The following L3MBTL4 variants were observed in gnomAD, a reference collection of about 807,000 sequenced individuals.
L3MBTL4 encodes the protein lethal(3)malignant brain tumor-like protein 4.
In L3MBTL4, 70 loss-of-function variants were observed where a neutral mutation model predicts 84.5. The ratio of observed to expected loss-of-function variants is 0.83; its 90% confidence interval spans 0.68 to 1.01. The LOEUF (loss-of-function observed/expected upper bound fraction) is 1.01. Among genes scored for constraint, L3MBTL4 ranks in the 50% least tolerant of loss-of-function variants. The pLI is 0.00. For synonymous variants in L3MBTL4, 274 were observed against 259.8 expected, an observed-to-expected ratio of 1.05 and a Z score of -0.52; for missense variants, 715 against 754.8, an observed-to-expected ratio of 0.95 and a Z score of 0.62.
intron 16 of L3MBTL4, among the ~76,000 whole-genome samples, chr18:6,072,917 TATATATATAC>T (rs1398388578): frequency 8.9e-5 from 8 of 89,932 alleles, no homozygotes; most frequent in African/African-American, 2.4e-4. Context: ...TATATATATA[TATATATATAC>T]ACACATACAT....
At chr18:6,101,744 T>C (rs2058837810) in intron 14 of L3MBTL4, among the ~76,000 whole-genome samples, 1 of 152,206 alleles carries the variant, frequency 6.6e-6, no homozygotes, top group African/African-American at 2.4e-5. Flanking sequence ...AAATGCGATT[T>C]CTCTCCAACT....
At chr18:6,032,418 T>C in intron 16 of L3MBTL4, 1 of 421,386 alleles carries the variant, frequency 2.4e-6, no homozygotes, top group Non-Finnish European at 3.0e-6. Flanking sequence ...ACACACACAA[T>C]CTGCATCAAA....
chr18:6,365,092 T>A (rs954749073), intron 1 of L3MBTL4, among the ~76,000 whole-genome samples: 2 of 152,222 alleles, frequency 1.3e-5, no homozygotes, highest in Non-Finnish European at 2.9e-5. Flanking sequence ...TGAATATTTA[T>A]ATGTATAATC....
In L3MBTL4 at chr18:6,310,888, G is replaced by A. The variant is rs569553340; in HGVS notation, c.72+666C>T. Among the ~76,000 whole-genome samples the A allele has an allele frequency of 4.8e-4, 73 of 152,136 alleles. 1 individual carries two copies. Among genetic ancestry groups the A allele is most frequent in the Non-Finnish European group, 2.6e-4 (18 of 68,030 alleles). ...ATTAATATTCAAATCAGCAGGCTTC[G>A]ATCAAAGTAGATCACTCTGTAATGA... On this transcript the variant is annotated intron_variant, in intron 3 of 18. Coordinates refer to ENST00000317931, the MANE Select transcript of L3MBTL4 (RefSeq NM_001330559.2).
intron 16 of L3MBTL4, among the ~76,000 whole-genome samples, chr18:6,025,946 T>C (rs1443744818): frequency 3.3e-5 from 5 of 152,232 alleles, no homozygotes; most frequent in Admixed American, 6.5e-5. Context: ...GGGACCCCTG[T>C]TCTAAAATTT....
At chr18:6,274,565 A>G (rs1388764094) in intron 4 of L3MBTL4, among the ~76,000 whole-genome samples, 1 of 152,212 alleles carries the variant, frequency 6.6e-6, no homozygotes, top group Non-Finnish European at 1.5e-5. Context: ...TTCAGTCTTC[A>G]GTCTATATGT....
At chr18:6,165,097 T>C (rs934663157) in intron 13 of L3MBTL4, among the ~76,000 whole-genome samples, 4 of 151,744 alleles carry the variant, frequency 2.6e-5, no homozygotes, top group South Asian at 2.1e-4. Flanking sequence ...GAAGGCAAAA[T>C]GAATGACATG....
intron 16 of L3MBTL4, among the ~76,000 whole-genome samples, chr18:6,019,210 T>C (rs1057178003): frequency 3.9e-5 from 6 of 152,230 alleles, no homozygotes; most frequent in Admixed American, 3.9e-4. Flanking sequence ...GAGCTTATTA[T>C]GTGATATTAT....
intron 1 of L3MBTL4, among the ~76,000 whole-genome samples, chr18:6,376,099 ACTGT>A (rs1328995513): frequency 6.6e-6 from 1 of 152,110 alleles, no homozygotes; most frequent in Admixed American, 6.5e-5. Flanking sequence ...CTCCGACCCC[ACTGT>A]CTCAGTCTGC....
At chr18:6,219,931 C>T (rs775566563) in intron 10 of L3MBTL4, among the ~76,000 whole-genome samples, 128 of 152,028 alleles carry the variant, frequency 8.4e-4, no homozygotes, top group Non-Finnish European at 1.4e-3. Context: ...CTGGACATGG[C>T]GGCACACACC....
chr18:6,299,072 G>A (rs1314262159), intron 4 of L3MBTL4, among the ~76,000 whole-genome samples: 1 of 152,178 alleles, frequency 6.6e-6, no homozygotes, highest in Non-Finnish European at 1.5e-5. Context: ...ATTACACGGT[G>A]ATTGGCAATA....
chr18:6,034,271 A>G (rs1022531763), intron 16 of L3MBTL4, among the ~76,000 whole-genome samples: 4 of 152,028 alleles, frequency 2.6e-5, no homozygotes, highest in Non-Finnish European at 5.9e-5. Flanking sequence ...AGCATTAGGT[A>G]TATCTCCCAA....
At chr18:6,407,353 T>C (rs1427172208) in intron 1 of L3MBTL4, among the ~76,000 whole-genome samples, 1 of 152,078 alleles carries the variant, frequency 6.6e-6, no homozygotes, top group Non-Finnish European at 1.5e-5. Context: ...ACATATCTTC[T>C]AGGAATAAAA....
chr18:6,045,474 C>T (rs2056574328), intron 16 of L3MBTL4, among the ~76,000 whole-genome samples: 1 of 152,126 alleles, frequency 6.6e-6, no homozygotes, highest in South Asian at 2.1e-4. Flanking sequence ...CTTACAGTTC[C>T]ACGTGGCTGG....
chr18:6,224,507 A>G (rs1261977765), intron 10 of L3MBTL4, among the ~76,000 whole-genome samples: 1 of 152,166 alleles, frequency 6.6e-6, no homozygotes, highest in Non-Finnish European at 1.5e-5. Context: ...GGAGGTTTTA[A>G]TCTCTAGATA....
chr18:6,127,313 C>G (rs981899593), intron 14 of L3MBTL4, among the ~76,000 whole-genome samples: 3 of 152,098 alleles, frequency 2.0e-5, no homozygotes, highest in African/African-American at 7.2e-5. Flanking sequence ...AGCTCGTCAG[C>G]TGTCGTTAGT....
At position 5,969,419 on chromosome 18, in the gene L3MBTL4, G is replaced by T; in HGVS notation, c.1588C>A (p.Gln530Lys). The T allele has an allele frequency of 6.2e-7, 1 of 1,613,782 alleles. No homozygotes were observed. Among genetic ancestry groups the T allele is most frequent in the Non-Finnish European group, 8.5e-7 (1 of 1,180,018 alleles). The part of the protein sequence containing the change: ...LPGVADIRAS[Q>K]VARWTVDEVA... ...TCATCCACAGTCCAACGTGCCACTT[G>T]GCTGGCCCGGATGTCAGCCACGCCT... The change falls in exon 17 of 19, where the codon CAA (glutamine) becomes AAA (lysine). Residue 530 changes from glutamine to lysine, a missense_variant. Gln to Lys is a moderately conservative substitution (Grantham distance 53, BLOSUM62 1). Coordinates refer to ENST00000317931, the MANE Select transcript of L3MBTL4 (RefSeq NM_001330559.2).
intron 4 of L3MBTL4, among the ~76,000 whole-genome samples, chr18:6,268,154 C>T (rs1437973955): frequency 6.6e-6 from 1 of 152,098 alleles, no homozygotes; most frequent in Non-Finnish European, 1.5e-5. Flanking sequence ...ACCTGTAATC[C>T]CAGCATTTTG....
chr18:6,218,485 T>C (rs1333738088), intron 10 of L3MBTL4, among the ~76,000 whole-genome samples: 1 of 151,990 alleles, frequency 6.6e-6, no homozygotes, highest in African/African-American at 2.4e-5. Context: ...AAGGACTGGA[T>C]GTGAGGTAAG....
Sources: allele counts gnomAD v4.1 joint callset (sites outside exome capture counted in the v4.1 genomes callset), GRCh38; gene constraint gnomAD v4.1.1; transcripts MANE v1.5; gene names NCBI Gene and HGNC (gene_info 2026-07-23, HGNC 2026-07-21).